OR4K1: variants seen among roughly 807,000 people sequenced by gnomAD.
OR4K1 encodes olfactory receptor 4K1.
OR4K1 carries 16 observed loss-of-function variants against 14.4 expected under a neutral mutation model. The observed-to-expected ratio is 1.11, with a 90% CI of 0.75 to 1.68. The LOEUF (loss-of-function observed/expected upper bound fraction) is 1.68. OR4K1 is among the 40% of genes most tolerant of loss of function. The pLI is 0.00. For missense variants in OR4K1, 548 were observed against 376.9 expected, an observed-to-expected ratio of 1.45 and a Z score of -3.76; for synonymous variants, 181 against 133.1, an observed-to-expected ratio of 1.36 and a Z score of -2.48.
chr14:19,934,178 T>G (rs1397040404), intron 1 of OR4K1, among the ~76,000 whole-genome samples: 3 of 152,244 alleles, frequency 2.0e-5, no homozygotes, highest in Non-Finnish European at 2.9e-5. Flanking sequence ...ATCTGTTGTG[T>G]ACTGTTGGAT....
upstream of OR4K1, among the ~76,000 whole-genome samples, chr14:19,926,636 C>A (rs1469852034): frequency 6.6e-6 from 1 of 152,182 alleles, no homozygotes; most frequent in Non-Finnish European, 1.5e-5. Context: ...TTATAGGCAG[C>A]ATAAAAACTG....
At chr14:19,932,491 CAT>C (rs1882207495) in intron 1 of OR4K1, among the ~76,000 whole-genome samples, 1 of 152,192 alleles carries the variant, frequency 6.6e-6, no homozygotes, top group Admixed American at 6.5e-5. Context: ...CGCCATTTCA[CAT>C]GTTAGAAAAG....
chr14:19,921,772 C>T, the OR4K1 span: 1 of 589,622 alleles, frequency 1.7e-6, no homozygotes, highest in Middle Eastern at 4.6e-4. Context: ...GTTTAGATTA[C>T]TGGTTCTAGA....
the OR4K1 span, among the ~76,000 whole-genome samples, chr14:19,922,213 A>T: frequency 6.6e-6 from 1 of 152,252 alleles, no homozygotes; most frequent in Admixed American, 6.5e-5. Flanking sequence ...AGATAATTCC[A>T]ATTTCCTTTT....
intron 1 of OR4K1, 75 bp from the exon 2 acceptor site, chr14:19,935,573 A>C: frequency 9.2e-7 from 1 of 1,090,326 alleles, no homozygotes; most frequent in Non-Finnish European, 1.3e-6. Flanking sequence ...AGAATTGACT[A>C]TATTTCTTTT....
At chr14:19,925,843 T>C in the OR4K1 span, among the ~76,000 whole-genome samples, 1 of 152,208 alleles carries the variant, frequency 6.6e-6, no homozygotes, top group African/African-American at 2.4e-5. Context: ...CAACTGGCAA[T>C]AGTATGAGTC....
intron 1 of OR4K1, among the ~76,000 whole-genome samples, chr14:19,933,904 A>G (rs895510773): frequency 3.3e-5 from 5 of 152,192 alleles, no homozygotes; most frequent in Admixed American, 1.3e-4. Flanking sequence ...CTTAAAACCA[A>G]TTCAATTCTT....
At chr14:19,927,090 G>C (rs1025589317), upstream of OR4K1, among the ~76,000 whole-genome samples, 1 of 152,384 alleles carries the variant, frequency 6.6e-6, no homozygotes, top group African/African-American at 2.4e-5. Flanking sequence ...GTAGGACCAC[G>C]CTGAAGCAGG....
chr14:19,934,061 A>G (rs2138594735), intron 1 of OR4K1, among the ~76,000 whole-genome samples: 1 of 152,398 alleles, frequency 6.6e-6, no homozygotes, highest in South Asian at 2.1e-4. Flanking sequence ...AACTTTTAAA[A>G]TATAAAATAT....
chr14:19,924,163 G>T, the OR4K1 span, among the ~76,000 whole-genome samples: 1 of 152,114 alleles, frequency 6.6e-6, no homozygotes, highest in Admixed American at 6.5e-5. Context: ...CACTTTGGGA[G>T]GCCGAAGTGG....
At chr14:19,920,906 A>C in the OR4K1 span, 1 of 1,614,158 alleles carries the variant, frequency 6.2e-7, no homozygotes, top group East Asian at 2.2e-5. Context: ...GCATAGCCCA[A>C]ATTTTCTTTA....
intron 1 of OR4K1, among the ~76,000 whole-genome samples, chr14:19,934,907 A>C (rs1456898368): frequency 1.3e-5 from 2 of 152,174 alleles, no homozygotes; most frequent in Non-Finnish European, 2.9e-5. Flanking sequence ...TCCTGACCTC[A>C]GGTGATCCAC....
the OR4K1 span, among the ~76,000 whole-genome samples, chr14:19,920,396 A>G: frequency 6.6e-6 from 1 of 152,342 alleles, no homozygotes; most frequent in South Asian, 2.1e-4. Context: ...ATTATTAAGC[A>G]TTATTTAGAC....
intron 1 of OR4K1, among the ~76,000 whole-genome samples, chr14:19,935,180 T>C (rs1882276604): frequency 6.6e-6 from 1 of 152,242 alleles, no homozygotes; most frequent in African/African-American, 2.4e-5. Flanking sequence ...TACCTTTGAT[T>C]CTTTATTCAT....
chr14:19,927,910 CA>C (rs1439015339), upstream of OR4K1, among the ~76,000 whole-genome samples: 1 of 152,156 alleles, frequency 6.6e-6, no homozygotes, highest in Non-Finnish European at 1.5e-5. Context: ...AAAGTATTTA[CA>C]GTGAAGAAAC....
the OR4K1 span, chr14:19,921,589 C>T: frequency 6.2e-7 from 1 of 1,600,780 alleles, no homozygotes. Flanking sequence ...GACAAAACTC[C>T]TTCAAATTCC....
the OR4K1 span, chr14:19,921,653 T>C: frequency 2.8e-6 from 4 of 1,424,004 alleles, no homozygotes; most frequent in Admixed American, 9.1e-5. Flanking sequence ...GTATCTCAAT[T>C]GTGGGGAAAG....
At chr14:19,925,827 T>C in the OR4K1 span, among the ~76,000 whole-genome samples, 2 of 152,248 alleles carry the variant, frequency 1.3e-5, no homozygotes, top group Non-Finnish European at 2.9e-5. Context: ...ATTGACTAAA[T>C]AGAGACAACT....
the OR4K1 span, chr14:19,921,181 C>G: frequency 1.2e-6 from 2 of 1,614,174 alleles, no homozygotes; most frequent in Non-Finnish European, 1.7e-6. Flanking sequence ...TGCCTGGACT[C>G]TTACATCATT....
Sources: allele counts gnomAD v4.1 joint callset (sites outside exome capture counted in the v4.1 genomes callset), GRCh38; gene constraint gnomAD v4.1.1; transcripts MANE v1.5; gene names NCBI Gene and HGNC (gene_info 2026-07-23, HGNC 2026-07-21).